Variants in TRIM37 observed in about 807,000 individuals in gnomAD.
TRIM37 encodes the protein E3 ubiquitin-protein ligase TRIM37.
A neutral mutation model predicts 129.8 loss-of-function variants in TRIM37; 80 were observed. That is an observed-to-expected ratio of 0.62 (90% CI 0.51 to 0.74). The LOEUF (loss-of-function observed/expected upper bound fraction) is 0.74, where lower values mean the gene tolerates loss of function less well. Among genes scored for constraint, TRIM37 ranks in the 30% least tolerant of loss-of-function variants. The pLI is 0.00. For synonymous variants in TRIM37, 389 were observed against 387.1 expected (o/e 1.00, Z -0.06); for missense variants, 1,054 against 1,176.5 (o/e 0.90, Z 1.52).
intron 2 of TRIM37, among the ~76,000 whole-genome samples, chr17:59,093,706 CT>C (rs1251047172): frequency 2.0e-5 from 3 of 152,080 alleles, no homozygotes; most frequent in Non-Finnish European, 4.4e-5. Flanking sequence ...TCAAAACAGG[CT>C]TACTGCTGCA....
At chr17:59,008,489 AT>A in intron 22 of TRIM37, among the ~76,000 whole-genome samples, 1 of 152,362 alleles carries the variant, frequency 6.6e-6, no homozygotes, top group African/African-American at 2.4e-5. Context: ...TTAGCTTTAA[AT>A]AAGAAATGAA....
chr17:59,059,848 G>C (rs1408827508), intron 12 of TRIM37, among the ~76,000 whole-genome samples: 1 of 152,188 alleles, frequency 6.6e-6, no homozygotes, highest in Non-Finnish European at 1.5e-5. Flanking sequence ...CTTCCTTAGT[G>C]TTATACCCAA....
downstream of TRIM37, among the ~76,000 whole-genome samples, chr17:58,995,404 TA>T (rs1218900988): frequency 3.6e-3 from 436 of 120,634 alleles, 1 homozygote; most frequent in Middle Eastern, 0.013. Flanking sequence ...AAGAAATGCT[TA>T]AAAAAAAAAA....
chr17:59,022,472 T>C (rs750327756), intron 19 of TRIM37, among the ~76,000 whole-genome samples: 1 of 152,234 alleles, frequency 6.6e-6, no homozygotes, highest in Non-Finnish European at 1.5e-5. Context: ...AGTTTGGTAT[T>C]AGGGTGAAGG....
At chr17:59,098,309 T>C (rs1170419903) in intron 2 of TRIM37, among the ~76,000 whole-genome samples, 3 of 152,184 alleles carry the variant, frequency 2.0e-5, no homozygotes, top group Non-Finnish European at 4.4e-5. Flanking sequence ...ATAGTGGTGA[T>C]GGCTGCACAA....
At chr17:58,969,124 T>C in the TRIM37 span, among the ~76,000 whole-genome samples, 2 of 152,250 alleles carry the variant, frequency 1.3e-5, no homozygotes, top group Non-Finnish European at 2.9e-5. Flanking sequence ...AATTTTGCTA[T>C]TAAAGTACTT....
At chr17:59,071,197 G>A (rs537960586) in intron 8 of TRIM37, among the ~76,000 whole-genome samples, 113 of 151,624 alleles carry the variant, frequency 7.5e-4, no homozygotes, top group Non-Finnish European at 1.2e-3. Flanking sequence ...GGATAAATGA[G>A]GTTTTAAGCA....
chr17:59,007,190 CA>C lies in TRIM37; in HGVS notation c.2695+5137del, dbSNP rs1485643925. 1.6e-3 allele frequency among the ~76,000 whole-genome samples: 122 copies of C among 77,378 alleles called. 1 individual carries two copies. Among genetic ancestry groups the C allele is most frequent in the South Asian group, 3.3e-3 (6 of 1,818 alleles). 50.8% of individuals were successfully genotyped at this position (77,378 alleles called of 152,430 possible). A position where few individuals can be genotyped will look rare whatever the true frequency, so the allele number is the denominator to read the frequency against. On this transcript the variant is annotated intron_variant, in intron 22 of 23. Coordinates refer to ENST00000262294, the MANE Select transcript of TRIM37 (RefSeq NM_015294.6). ...ACACACACACACACACACACACACA[CA>C]CACACACACACACACTAAAACCACC...
rs1327011773 is a variant in TRIM37 at position 59,015,745 on chromosome 17, A to T, written c.2441T>A (p.Ile814Lys). The change falls in exon 21 of 24, where the codon ATA becomes AAA. Residue 814 changes from isoleucine to lysine, a missense_variant. Physicochemically the swap from Ile to Lys is moderately radical, Grantham distance 102. Coordinates refer to ENST00000262294, the MANE Select transcript of TRIM37 (RefSeq NM_015294.6). ...GSRHSSPRAL[I>K]HGSIGDILPK... Reference sequence around the variant, plus strand: ...CAGAATATCACCGATACTGCCATGTATCAAGGCTCGGGGAGAACTGTGCCT... The same window carrying T: ...CAGAATATCACCGATACTGCCATGTTTCAAGGCTCGGGGAGAACTGTGCCT... 4 of 1,613,982 alleles carry T rather than the reference A, an allele frequency of 2.5e-6. No homozygotes were observed. The South Asian group carries it at 4.4e-5, about 18-fold the overall frequency.
At chr17:59,043,003 G>A (rs992351698) in intron 16 of TRIM37, among the ~76,000 whole-genome samples, 9 of 151,754 alleles carry the variant, frequency 5.9e-5, no homozygotes, top group East Asian at 3.9e-4. Context: ...AACACTACAT[G>A]TAGTGTTAGG....
chr17:59,085,889 G>A (rs2043706705), intron 4 of TRIM37, among the ~76,000 whole-genome samples: 2 of 152,160 alleles, frequency 1.3e-5, no homozygotes, highest in African/African-American at 4.8e-5. Context: ...CTGACACATG[G>A]ATGAACCTTG....
In TRIM37 at chr17:59,028,345, T is replaced by C. The variant is rs140208030; in HGVS notation, c.2257+70A>G. ...AAGAGTGGTATTTAAATATTATTCT[T>C]TTGAAAAAACCAGTCATCTAGTTTC... On this transcript the variant is annotated intron_variant, in intron 19 of 23. Transcript: ENST00000262294. The C allele has an allele frequency of 0.016, 23,641 of 1,457,554 alleles. 314 individuals carry two copies. Among genetic ancestry groups the C allele is most frequent in the Middle Eastern group, 0.057 (326 of 5,720 alleles). 90.3% of individuals were successfully genotyped at this position (1,457,554 alleles called of 1,614,324 possible).
chr17:59,035,208 C>T (rs985576702), intron 17 of TRIM37, among the ~76,000 whole-genome samples: 9 of 151,752 alleles, frequency 5.9e-5, no homozygotes, highest in African/African-American at 1.9e-4. Context: ...TACAAGCGTG[C>T]GCCATTGCAC....
At chr17:59,055,491 G>A (rs548098930) in intron 13 of TRIM37, among the ~76,000 whole-genome samples, 16 of 151,802 alleles carry the variant, frequency 1.1e-4, no homozygotes, top group South Asian at 4.2e-4. Context: ...TCAGGAGATC[G>A]AGACCATCCT....
intron 9 of TRIM37, among the ~76,000 whole-genome samples, chr17:59,067,174 TCCA>T (rs1270729055): frequency 1.3e-5 from 2 of 152,328 alleles, no homozygotes; most frequent in African/African-American, 4.8e-5. Flanking sequence ...GCCATCTAAT[TCCA>T]CCACCACATC....
intron 22 of TRIM37, among the ~76,000 whole-genome samples, chr17:59,003,833 C>T (rs1220197866): frequency 1.3e-5 from 2 of 151,322 alleles, no homozygotes; most frequent in Non-Finnish European, 2.9e-5. Flanking sequence ...TGCCTGTAGT[C>T]CCAGCTACTT....
At chr17:59,079,670 G>T in intron 7 of TRIM37, 84 bp downstream of exon 7, 1 of 1,547,748 alleles carries the variant, frequency 6.5e-7, no homozygotes, top group South Asian at 1.1e-5. Context: ...TTCCTTCCTA[G>T]GATGATCACC....
At chr17:59,025,408 T>A (rs960394993) in intron 19 of TRIM37, among the ~76,000 whole-genome samples, 38 of 151,268 alleles carry the variant, frequency 2.5e-4, no homozygotes, top group Admixed American at 1.1e-3. Context: ...TTATTAATAT[T>A]CATGTCATGA....
downstream of TRIM37, chr17:58,980,533 G>A (rs1397298995): frequency 1.9e-6 from 3 of 1,614,068 alleles, no homozygotes; most frequent in East Asian, 6.7e-5. The surrounding 1 kb of genome is among the most constrained non-coding windows in gnomAD (Gnocchi z 4.7). Flanking sequence ...TACCAGTTGA[G>A]ATGTTTGGTC....
Sources: gnomAD v4.1 joint callset for allele counts (sites outside exome capture counted in the v4.1 genomes callset) on GRCh38, gnomAD v4.1.1 for gene constraint, Gnocchi (gnomAD v3.1) non-coding constraint, MANE v1.5 for transcripts, NCBI Gene and HGNC (gene_info 2026-07-23, HGNC 2026-07-21) for gene names.